DOCK8: variants seen among roughly 807,000 people sequenced by gnomAD.
DOCK8 encodes the protein dedicator of cytokinesis 8.
In DOCK8, 141 loss-of-function variants were observed where a neutral mutation model predicts 245.6. The observed-to-expected ratio is 0.57, with a 90% CI of 0.50 to 0.66. The LOEUF is 0.66. DOCK8 is among the 30% of genes least tolerant of loss of function. DOCK8 has a pLI of 0.00. For synonymous variants in DOCK8, 1,168 were observed against 970.2 expected (o/e 1.20, Z -3.79); for missense variants, 2,965 against 2,603.4 (o/e 1.14, Z -3.02).
intron 22 of DOCK8, among the ~76,000 whole-genome samples, chr9:383,052 A>G (rs1456758594): frequency 7.3e-6 from 1 of 136,144 alleles, no homozygotes; most frequent in African/African-American, 2.7e-5. Context: ...TTGTTTCTTT[A>G]ATACCTACCT....
At chr9:399,289 G>T (rs749960031) in intron 26 of DOCK8, 30 bp downstream of exon 26, 1 of 1,421,592 alleles carries the variant, frequency 7.0e-7, no homozygotes, top group Non-Finnish European at 9.5e-7. Context: ...CCACCCCCGA[G>T]CGAGCCACTT....
chr9:243,567 A>T (rs897361117), intron 1 of DOCK8, among the ~76,000 whole-genome samples: 2 of 152,152 alleles, frequency 1.3e-5, no homozygotes, highest in African/African-American at 4.8e-5. Flanking sequence ...TCCAATATTT[A>T]CTGACTGACC....
intron 3 of DOCK8, among the ~76,000 whole-genome samples, chr9:288,998 A>G (rs2048934300): frequency 6.6e-6 from 1 of 152,190 alleles, no homozygotes; most frequent in African/African-American, 2.4e-5. Flanking sequence ...GCATTCCTTA[A>G]GTAGACATGA....
chr9:387,895 C>T (rs1473126180), intron 23 of DOCK8, among the ~76,000 whole-genome samples: 5 of 152,184 alleles, frequency 3.3e-5, no homozygotes, highest in Non-Finnish European at 7.4e-5. Context: ...CATGTTTTGA[C>T]TTGAAATGAC....
intron 2 of DOCK8, among the ~76,000 whole-genome samples, chr9:280,517 A>G (rs951759216): frequency 2.0e-5 from 3 of 152,162 alleles, no homozygotes; most frequent in African/African-American, 7.2e-5. Flanking sequence ...CAGGAAGGAA[A>G]TATTCCCAAC....
In DOCK8 at chr9:332,352, T is replaced by C. The variant is rs1390477533; in HGVS notation, c.1045-46T>C. The C allele has an allele frequency of 5.3e-6, 7 of 1,324,696 alleles. No homozygotes were observed. The South Asian group carries it at 8.3e-5, about 16-fold the overall frequency. 82.1% of individuals were successfully genotyped at this position (1,324,696 alleles called of 1,614,324 possible). Reference sequence around the variant, plus strand: ...TGATGGTTGCATAGATTCCTTTTTATGGATGTAATTTATGTGCCTTATTTT... The same window carrying C: ...TGATGGTTGCATAGATTCCTTTTTACGGATGTAATTTATGTGCCTTATTTT... On this transcript the variant is annotated intron_variant, in intron 9 of 47. Transcript: ENST00000432829.
At chr9:316,133 G>T (rs1260668241) in intron 6 of DOCK8, among the ~76,000 whole-genome samples, 1 of 152,204 alleles carries the variant, frequency 6.6e-6, no homozygotes, top group Non-Finnish European at 1.5e-5. Context: ...TGACTTTACT[G>T]CTATTTGCAA....
At chr9:277,371 G>A (rs1218875496) in intron 2 of DOCK8, among the ~76,000 whole-genome samples, 1 of 151,598 alleles carries the variant, frequency 6.6e-6, no homozygotes, top group Non-Finnish European at 1.5e-5. Flanking sequence ...GCTGCAGTGA[G>A]CCATGATTGA....
chr9:307,649 C>T (rs1471270992), intron 5 of DOCK8, among the ~76,000 whole-genome samples: 1 of 151,994 alleles, frequency 6.6e-6, no homozygotes, highest in African/African-American at 2.4e-5. Flanking sequence ...TGAGCCACCG[C>T]ACCCGGCCCA....
At chr9:422,308 T>G (rs900246324) in intron 33 of DOCK8, among the ~76,000 whole-genome samples, 173 bp downstream of exon 33, 4 of 151,898 alleles carry the variant, frequency 2.6e-5, no homozygotes, top group African/African-American at 7.3e-5. Flanking sequence ...GTATAGGGAG[T>G]TGTGGTTTCC....
chr9:355,192 CTTTTTTTTTTTTTT>C (rs749045514), intron 14 of DOCK8, among the ~76,000 whole-genome samples: 18 of 121,090 alleles, frequency 1.5e-4, no homozygotes, highest in Non-Finnish European at 1.2e-4. Context: ...TGTTTCTTTT[CTTTTTTTTTTTTTT>C]TTTTTTTTTT....
At chr9:378,996 T>C (rs1293427081) in intron 20 of DOCK8, among the ~76,000 whole-genome samples, 1 of 152,148 alleles carries the variant, frequency 6.6e-6, no homozygotes, top group Non-Finnish European at 1.5e-5. Context: ...GGACTTGTGC[T>C]GAGATTCACA....
chr9:303,853 G>A (rs1179203731), intron 4 of DOCK8, among the ~76,000 whole-genome samples: 2 of 152,158 alleles, frequency 1.3e-5, no homozygotes, highest in East Asian at 3.8e-4. Context: ...AAATAAAAGT[G>A]GCGTGTTTGT....
At chr9:422,547 G>A (rs1054713117) in intron 33 of DOCK8, among the ~76,000 whole-genome samples, 9 of 152,168 alleles carry the variant, frequency 5.9e-5, no homozygotes, top group Non-Finnish European at 1.0e-4. Flanking sequence ...ACTTAAAGTT[G>A]TTTTTTAAAA....
Position 336,652 on chromosome 9 carries a change from G to C in DOCK8, c.1356G>C (p.Leu452Phe), listed in dbSNP as rs113175936. ...GGCTTTCTGAAAGAGCCCTCTCCTTGGAGGAAAATGGGGTTGGATCCAACT... is the reference window on the plus strand; with the variant it reads ...GGCTTTCTGAAAGAGCCCTCTCCTTCGAGGAAAATGGGGTTGGATCCAACT... ...SRRLSERALS[L>F]EENGVGSNFK... is the part of the protein sequence containing the mutation. The change falls in exon 12 of 48, where the codon TTG (leucine) becomes TTC (phenylalanine). Residue 452 changes from leucine (L) to phenylalanine (F), a missense_variant. Transcript: ENST00000432829. 6.2e-7 allele frequency: 1 copy of C among 1,614,166 alleles called. No individual in the cohort carries two copies. Among genetic ancestry groups the C allele is most frequent in the Non-Finnish European group, 8.5e-7 (1 of 1,180,020 alleles).
intron 39 of DOCK8, among the ~76,000 whole-genome samples, chr9:436,513 C>A (rs778924352): frequency 5.3e-5 from 8 of 152,122 alleles, no homozygotes; most frequent in Non-Finnish European, 1.0e-4. Context: ...TTTTATACTT[C>A]TTTTATTCCT....
intron 24 of DOCK8, among the ~76,000 whole-genome samples, chr9:392,134 A>G (rs1248719314): frequency 6.7e-6 from 1 of 149,782 alleles, no homozygotes; most frequent in East Asian, 1.9e-4. Flanking sequence ...GCAAAACTCC[A>G]TCTAAAAAAA....
At chr9:401,695 C>T (rs934772449) in intron 26 of DOCK8, among the ~76,000 whole-genome samples, 2 of 152,096 alleles carry the variant, frequency 1.3e-5, no homozygotes, top group African/African-American at 4.8e-5. Context: ...AAGAAATAAA[C>T]AACCGAGGGG....
chr9:400,277 C>T (rs1312277446), intron 26 of DOCK8, among the ~76,000 whole-genome samples: 3 of 75,472 alleles, frequency 4.0e-5, no homozygotes, highest in South Asian at 5.1e-4. Context: ...ACCATCACCA[C>T]CACTTCCTTC....
Sources: allele counts gnomAD v4.1 joint callset (sites outside exome capture counted in the v4.1 genomes callset), GRCh38; gene constraint gnomAD v4.1.1; transcripts MANE v1.5; gene names NCBI Gene and HGNC (gene_info 2026-07-23, HGNC 2026-07-21).